XKR6: variants seen among roughly 807,000 people sequenced by gnomAD.
XKR6 encodes XK related 6.
XKR6 carries 22 observed loss-of-function variants against 56.7 expected under a neutral mutation model. The observed-to-expected ratio is 0.39, with a 90% CI of 0.28 to 0.55. The LOEUF is 0.55. Ranked by LOEUF, XKR6 falls within the 20% of genes least tolerant of loss-of-function variation. XKR6 has a pLI of 0.66. For synonymous variants in XKR6, 524 were observed against 387.8 expected, an observed-to-expected ratio of 1.35 and a Z score of -4.13; for missense variants, 852 against 889.0, an observed-to-expected ratio of 0.96 and a Z score of 0.53.
chr8:11,191,864 G>A (rs563391091), intron 1 of XKR6, among the ~76,000 whole-genome samples: 56 of 152,210 alleles, frequency 3.7e-4, no homozygotes, highest in African/African-American at 1.2e-3. Flanking sequence ...ATGATTTTAC[G>A]AATTAAGGAT....
At chr8:11,066,622 G>T (rs1278396661) in intron 1 of XKR6, among the ~76,000 whole-genome samples, 1 of 152,178 alleles carries the variant, frequency 6.6e-6, no homozygotes, top group South Asian at 2.1e-4. Flanking sequence ...AGCTCACGAG[G>T]CCAGTCCTGA....
chr8:11,051,240 G>A (rs921752028), intron 1 of XKR6, among the ~76,000 whole-genome samples: 5 of 151,410 alleles, frequency 3.3e-5, no homozygotes, highest in Admixed American at 2.0e-4. Flanking sequence ...ACTGGCCCCC[G>A]ATCACCCTGC....
intron 1 of XKR6, among the ~76,000 whole-genome samples, chr8:11,149,374 A>T (rs1169024068): frequency 6.6e-6 from 1 of 152,188 alleles, no homozygotes; most frequent in East Asian, 1.9e-4. Flanking sequence ...GTACAGTAAA[A>T]ATACAGTATT....
intron 1 of XKR6, among the ~76,000 whole-genome samples, chr8:10,965,788 G>C (rs1218224145): frequency 6.6e-6 from 1 of 152,248 alleles, no homozygotes; most frequent in Non-Finnish European, 1.5e-5. Flanking sequence ...CGATTGAACA[G>C]ATGTTCTTGC....
At chr8:11,139,231 C>G (rs1190613811) in intron 1 of XKR6, among the ~76,000 whole-genome samples, 3 of 152,186 alleles carry the variant, frequency 2.0e-5, no homozygotes, top group African/African-American at 4.8e-5. Flanking sequence ...ATGTACAAAA[C>G]TATAATTTTC....
At chr8:10,910,063 T>A (rs1483068407) in intron 2 of XKR6, among the ~76,000 whole-genome samples, 2 of 151,854 alleles carry the variant, frequency 1.3e-5, no homozygotes, top group South Asian at 4.2e-4. Flanking sequence ...TTAACCAGGG[T>A]GATTTTGGCC....
chr8:10,941,149 C>T (rs1193077792), intron 1 of XKR6, among the ~76,000 whole-genome samples: 1 of 152,168 alleles, frequency 6.6e-6, no homozygotes, highest in African/African-American at 2.4e-5. Flanking sequence ...CCCTGTCCAA[C>T]AGGCTCCTTC....
chr8:10,901,612 C>T (rs1300571680), intron 2 of XKR6, among the ~76,000 whole-genome samples: 1 of 152,174 alleles, frequency 6.6e-6, no homozygotes, highest in African/African-American at 2.4e-5. Context: ...TCTGGTAGGT[C>T]CTACCGACCC....
chr8:11,199,675 C>G (rs566166266), intron 1 of XKR6, among the ~76,000 whole-genome samples: 2 of 152,206 alleles, frequency 1.3e-5, no homozygotes, highest in Admixed American at 1.3e-4. Flanking sequence ...GCCAGTGAGG[C>G]AGTCAGTGAA....
At position 11,174,640 on chromosome 8, in the gene XKR6, G is replaced by A. The variant is rs73198965; in HGVS notation, c.764+25936C>T. Among the ~76,000 whole-genome samples the A allele has an allele frequency of 3.2e-3, 490 of 152,236 alleles. 1 individual carries two copies. Among genetic ancestry groups the A allele is most frequent in the Middle Eastern group, 0.017 (5 of 294 alleles). On this transcript the variant is annotated intron_variant, in intron 1 of 2. Transcript: ENST00000416569. ...GTGAGGCAAGGAACAAAGCGGCTGC[G>A]ACTGTTACAAAGAGCACCAAGTGTC...
intron 1 of XKR6, among the ~76,000 whole-genome samples, chr8:10,944,422 A>C (rs925427608): frequency 6.6e-6 from 1 of 152,192 alleles, no homozygotes; most frequent in East Asian, 1.9e-4. Flanking sequence ...TGCTCCCAGC[A>C]CACAGAAGGC....
At chr8:11,160,094 C>T (rs541251357) in intron 1 of XKR6, among the ~76,000 whole-genome samples, 2 of 152,088 alleles carry the variant, frequency 1.3e-5, no homozygotes, top group African/African-American at 2.4e-5. Flanking sequence ...TGTTAATCAT[C>T]GTGAGGAAAA....
intron 1 of XKR6, among the ~76,000 whole-genome samples, chr8:10,991,206 G>A (rs1035861720): frequency 2.0e-5 from 3 of 152,110 alleles, no homozygotes; most frequent in Non-Finnish European, 4.4e-5. Context: ...AGCTGGGAAT[G>A]TCTTACTGTT....
At chr8:11,199,679 C>T (rs1233031623) in intron 1 of XKR6, among the ~76,000 whole-genome samples, 2 of 152,194 alleles carry the variant, frequency 1.3e-5, no homozygotes, top group East Asian at 3.8e-4. Flanking sequence ...GTGAGGCAGT[C>T]AGTGAAGGCC....
intron 1 of XKR6, among the ~76,000 whole-genome samples, chr8:11,054,412 T>C (rs1799629746): frequency 6.6e-6 from 1 of 152,146 alleles, no homozygotes; most frequent in Non-Finnish European, 1.5e-5. Flanking sequence ...CATGTACCGG[T>C]GTTCAAGTTG....
At chr8:11,139,515 G>A (rs552166325) in intron 1 of XKR6, among the ~76,000 whole-genome samples, 2 of 152,250 alleles carry the variant, frequency 1.3e-5, no homozygotes, top group East Asian at 3.9e-4. Context: ...CCACTCCACA[G>A]AGACAGGGAG....
At position 10,953,445 on chromosome 8, in the gene XKR6, C is replaced by T. The variant is rs117244457; in HGVS notation, c.765-28615G>A. On this transcript the variant is annotated intron_variant, in intron 1 of 2. Coordinates refer to ENST00000416569, the MANE Select transcript of XKR6 (RefSeq NM_173683.4). The stretch of plus-strand genomic sequence containing the variant: ...TGAGGCCTCCCTAGAAGCAAATGCC[C>T]ATGTTATGCCTCCTGTACAGCCTGT... Among the ~76,000 whole-genome samples, 46 of 152,264 alleles carry T rather than the reference C, an allele frequency of 3.0e-4. No homozygotes were observed. In the East Asian group the frequency reaches 8.3e-3, roughly 27 times the overall value.
intron 1 of XKR6, among the ~76,000 whole-genome samples, chr8:11,064,790 G>A (rs1342253735): frequency 6.6e-6 from 1 of 152,174 alleles, no homozygotes; most frequent in African/African-American, 2.4e-5. Flanking sequence ...GAAATGGCAA[G>A]GTCCATGAAT....
intron 1 of XKR6, among the ~76,000 whole-genome samples, chr8:11,130,127 G>T (rs771823106): frequency 1.3e-5 from 2 of 152,078 alleles, no homozygotes; most frequent in East Asian, 1.9e-4. Context: ...TTCACTTCTA[G>T]AACTAGACAG....
Sources: gnomAD v4.1 joint callset for allele counts (sites outside exome capture counted in the v4.1 genomes callset) on GRCh38, gnomAD v4.1.1 for gene constraint, MANE v1.5 for transcripts, NCBI Gene and HGNC (gene_info 2026-07-23, HGNC 2026-07-21) for gene names.